ITGAD: variants seen among roughly 807,000 people sequenced by gnomAD.
ITGAD encodes integrin alpha-D.
In ITGAD, 105 loss-of-function variants were observed where a neutral mutation model predicts 139.0. The ratio of observed to expected loss-of-function variants is 0.76; its 90% confidence interval spans 0.65 to 0.89. The LOEUF (loss-of-function observed/expected upper bound fraction) is 0.89. Among genes scored for constraint, ITGAD ranks in the 40% least tolerant of loss-of-function variants. The pLI is 0.00. For missense variants in ITGAD, 1,384 were observed against 1,487.3 expected (o/e 0.93, Z 1.14); for synonymous variants, 569 against 598.3 (o/e 0.95, Z 0.71).
chr16:31,411,531 T>C lies in ITGAD; in HGVS notation c.1707+14T>C. ...TCCCACAGCCAGGTGAGGCCCGTCT[T>C]CAGCCTCTTTTAGTCCCAGCTCCTT... On this transcript the variant is annotated intron_variant, in intron 14 of 29. Transcript: ENST00000389202. The C allele has an allele frequency of 6.2e-7, 1 of 1,613,700 alleles. No homozygotes were observed. Among genetic ancestry groups the C allele is most frequent in the Non-Finnish European group, 8.5e-7 (1 of 1,179,638 alleles).
chr16:31,410,116 T>C (rs11640184), intron 10 of ITGAD, among the ~76,000 whole-genome samples: 89,000 of 151,488 alleles, frequency 0.59, 26,495 homozygotes, highest in Middle Eastern at 0.72. Context: ...CCAGCAGGGG[T>C]GGCTGCACAT....
At chr16:31,398,087 C>A (rs1188823390) in intron 5 of ITGAD, among the ~76,000 whole-genome samples, 178 bp downstream of exon 5, 3 of 152,116 alleles carry the variant, frequency 2.0e-5, no homozygotes, top group African/African-American at 7.2e-5. Context: ...GGTAGAAGTT[C>A]TTTGCAGGGT....
chr16:31,417,286 G>A (rs1034549774), intron 20 of ITGAD, among the ~76,000 whole-genome samples: 1 of 149,884 alleles, frequency 6.7e-6, no homozygotes, highest in African/African-American at 2.5e-5. Context: ...ATGCTGCCCA[G>A]GCTGGTCTCA....
At chr16:31,425,061 C>A (rs926059845) in intron 29 of ITGAD, among the ~76,000 whole-genome samples, 5 of 152,066 alleles carry the variant, frequency 3.3e-5, no homozygotes, top group Non-Finnish European at 5.9e-5. Flanking sequence ...CCTCTCTAAG[C>A]CTGTTTCTCT....
rs759737554 is a variant in ITGAD at position 31,416,662 on chromosome 16, G to A, written c.2499+16G>A. ...AGGAGCCCAGGTAACAACTGCTGTA[G>A]GCTCTAGTGGGAGGGGGCCTCTCCC... is the stretch of plus-strand genomic sequence containing the variant. On this transcript the variant is annotated intron_variant, in intron 20 of 29. Transcript: ENST00000389202. The A allele has an allele frequency of 3.1e-6, 5 of 1,592,368 alleles. No individual in the cohort carries two copies. The highest frequency in any genetic ancestry group is 4.3e-6 in the Non-Finnish European group (5 of 1,163,748).
intron 23 of ITGAD, among the ~76,000 whole-genome samples, chr16:31,421,243 T>G (rs552877637): frequency 6.6e-6 from 1 of 152,242 alleles, no homozygotes; most frequent in East Asian, 1.9e-4. Flanking sequence ...GCAGAGCCCA[T>G]GCCCATGGCC....
chr16:31,415,756 G>A (rs1013510143), intron 18 of ITGAD, among the ~76,000 whole-genome samples: 2 of 152,098 alleles, frequency 1.3e-5, no homozygotes, highest in Non-Finnish European at 2.9e-5. Context: ...AGCATCTGCC[G>A]CTCCTTCTCT....
intron 2 of ITGAD, among the ~76,000 whole-genome samples, chr16:31,395,668 C>T (rs1040543234): frequency 2.6e-5 from 4 of 152,142 alleles, no homozygotes; most frequent in Admixed American, 6.5e-5. Context: ...TATGAACCTG[C>T]CCCCACTTCC....
At chr16:31,397,967 C>A in intron 5 of ITGAD, 58 bp downstream of exon 5, 2 of 1,336,452 alleles carry the variant, frequency 1.5e-6, no homozygotes, top group Non-Finnish European at 2.1e-6. Flanking sequence ...TGAGGGTGAG[C>A]AGGCGTGAGG....
chr16:31,400,808 G>A (rs1196517451), intron 5 of ITGAD, among the ~76,000 whole-genome samples: 3 of 152,134 alleles, frequency 2.0e-5, no homozygotes, highest in Non-Finnish European at 4.4e-5. Flanking sequence ...GTTTCACCAT[G>A]TTGGCCAGGC....
At chr16:31,425,203 C>G (rs1442787215) in intron 29 of ITGAD, among the ~76,000 whole-genome samples, 1 of 152,088 alleles carries the variant, frequency 6.6e-6, no homozygotes, top group East Asian at 1.9e-4. Flanking sequence ...TCCCAAGTAG[C>G]TAGGACTACA....
chr16:31,395,776 G>A (rs1597100523), intron 2 of ITGAD, among the ~76,000 whole-genome samples: 1 of 152,010 alleles, frequency 6.6e-6, no homozygotes. Context: ...AGCAGACCCA[G>A]GAGGGTTCCA....
At chr16:31,424,958 T>C (rs2082084076) in intron 29 of ITGAD, among the ~76,000 whole-genome samples, 1 of 152,184 alleles carries the variant, frequency 6.6e-6, no homozygotes, top group Non-Finnish European at 1.5e-5. Context: ...CTGGCTGATA[T>C]AGTGAGAACT....
At chr16:31,420,391 TTTGCTGCTA>T (rs2081984790) in intron 23 of ITGAD, among the ~76,000 whole-genome samples, 1 of 151,326 alleles carries the variant, frequency 6.6e-6, no homozygotes, top group African/African-American at 2.4e-5. Flanking sequence ...TGGGACAAAG[TTTGCTGCTA>T]TTGCTTTTTT....
At chr16:31,424,629 C>T (rs758864965) in intron 29 of ITGAD, 52 bp downstream of exon 29, 3 of 1,234,530 alleles carry the variant, frequency 2.4e-6, no homozygotes, top group East Asian at 2.4e-5. Flanking sequence ...GGAGTTTCCA[C>T]TCTTACTGCC....
At chr16:31,402,056 C>A in intron 5 of ITGAD, 59 bp from the exon 6 acceptor site, 1 of 1,575,260 alleles carries the variant, frequency 6.3e-7, no homozygotes, top group Non-Finnish European at 8.7e-7. Flanking sequence ...TGAGCAGGAG[C>A]TGCAGGAGGG....
rs1459816294 is a variant in ITGAD, at chr16:31,418,466, C to G, written c.2697-15C>G. The G allele has an allele frequency of 6.2e-7, 1 of 1,612,814 alleles. No individual in the cohort carries two copies. The highest frequency in any genetic ancestry group is 1.7e-5 in the Admixed American group (1 of 60,014). ...CCTGGATTCCTTCCCATTGGTCCCT[C>G]CTTTCTGTCTCCAGTGAGAACAATA... On this transcript the variant is annotated splice_polypyrimidine_tract_variant and intron_variant, in intron 22 of 29. Transcript: ENST00000389202.
intron 5 of ITGAD, 57 bp downstream of exon 5, chr16:31,397,966 G>A: frequency 1.5e-6 from 2 of 1,339,550 alleles, no homozygotes; most frequent in Non-Finnish European, 2.1e-6. Flanking sequence ...CTGAGGGTGA[G>A]CAGGCGTGAG....
intron 22 of ITGAD, 47 bp from the exon 23 acceptor site, chr16:31,418,434 C>A (rs186664014): frequency 1.2e-6 from 2 of 1,607,684 alleles, no homozygotes; most frequent in Non-Finnish European, 8.5e-7. Context: ...CGGCTAGAGA[C>A]CCCTCTCCTG....
Sources: allele counts gnomAD v4.1 joint callset (sites outside exome capture counted in the v4.1 genomes callset), GRCh38; gene constraint gnomAD v4.1.1; transcripts MANE v1.5; gene names NCBI Gene and HGNC (gene_info 2026-07-23, HGNC 2026-07-21).